The following SEC16A variants were observed in gnomAD, a reference collection of about 807,000 sequenced individuals.
SEC16A encodes the protein SEC16 homolog A, endoplasmic reticulum export factor.
SEC16A carries 110 observed loss-of-function variants against 221.9 expected under a neutral mutation model. The ratio of observed to expected loss-of-function variants is 0.50; its 90% CI spans 0.42 to 0.58. SEC16A has a LOEUF of 0.58. Among genes scored for constraint, SEC16A ranks in the 20% least tolerant of loss-of-function variants. The pLI, the probability that SEC16A is intolerant of heterozygous loss-of-function variation, is 0.00. For synonymous variants in SEC16A, 1,393 were observed against 1,257.7 expected (o/e 1.11, Z -2.28); for missense variants, 3,165 against 3,097.8 (o/e 1.02, Z -0.52).
intron 1 of SEC16A, 27 bp downstream of exon 1, chr9:136,482,910 GC>G (rs899810110): frequency 1.1e-6 from 1 of 907,244 alleles, no homozygotes; most frequent in Non-Finnish European, 1.3e-6. Flanking sequence ...TCCCGCGCTC[GC>G]CCCCTCACCC....
At chr9:136,472,136 G>A (rs190860690) in intron 3 of SEC16A, 25 bp from the exon 4 acceptor site, 1 of 1,612,458 alleles carries the variant, frequency 6.2e-7, no homozygotes, top group Admixed American at 1.7e-5. Flanking sequence ...ATTTGGGCAG[G>A]ATTAGACACC....
In SEC16A at chr9:136,466,107, A is replaced by C. The variant is rs773798141; in HGVS notation, c.4158T>G (p.Ala1386=). The C allele has an allele frequency of 2.8e-5, 45 of 1,605,430 alleles. No individual in the cohort carries two copies. The highest frequency in any genetic ancestry group is 3.7e-5 in the Non-Finnish European group (44 of 1,174,884). ...QSQIYRSHNV[A]AGSYEAPLPP... ...GAAGCGGGGCCTCGTAGGAACCGGC[A>C]GCCACATTGTGGCTTCTGTAAATCT... The change falls in exon 8 of 32, where the codon GCT becomes GCG. Residue 1386 remains alanine, a synonymous_variant. Coordinates refer to ENST00000684901, the MANE Select transcript of SEC16A (RefSeq NM_014866.2). This position sits in a 1 kb window ranked among gnomAD's most constrained non-coding sequence, Gnocchi z 5.5.
chr9:136,482,847 C>T (rs537597460), intron 1 of SEC16A, 91 bp downstream of exon 1: 8,669 of 429,344 alleles, frequency 0.02, 123 homozygotes, highest in Middle Eastern at 0.05. Context: ...CTCCTCTCCT[C>T]CGCGCCCCGA....
intron 1 of SEC16A, among the ~76,000 whole-genome samples, chr9:136,481,999 A>AG (rs1396838850): frequency 2.0e-5 from 3 of 152,238 alleles, no homozygotes; most frequent in Non-Finnish European, 4.4e-5. Flanking sequence ...ACAAAGAAAA[A>AG]GAAAAAAAAA....
At chr9:136,483,802 G>A (rs1177026941), upstream of SEC16A, 3 of 985,296 alleles carry the variant, frequency 3.0e-6, no homozygotes, top group African/African-American at 5.2e-5. Context: ...GGCGGCGGCG[G>A]CCGCGCATGC....
chr9:136,459,750 G>T lies in SEC16A; in HGVS notation c.5191+7C>A. ...ACACCCAATGCCCATCTCCACCCCT[G>T]ACCTACCCAGAGTGTCGCCCATGGT... is the stretch of plus-strand genomic sequence containing the variant. On this transcript the variant is annotated splice_region_variant and intron_variant, in intron 15 of 31. Transcript: ENST00000684901. This position sits in a 1 kb window ranked among gnomAD's most constrained non-coding sequence, Gnocchi z 6.1. The T allele has an allele frequency of 6.3e-7, 1 of 1,599,704 alleles. No individual in the cohort carries two copies. Among genetic ancestry groups the T allele is most frequent in the South Asian group, 1.1e-5 (1 of 88,906 alleles).
intron 8 of SEC16A, among the ~76,000 whole-genome samples, 169 bp from the exon 9 acceptor site, chr9:136,464,731 A>G (rs1232989962): frequency 5.9e-5 from 9 of 152,256 alleles, no homozygotes; most frequent in African/African-American, 1.9e-4. Flanking sequence ...GTAGAACTTC[A>G]GCATACGTCA....
chr9:136,462,071 G>A (rs778368413), intron 12 of SEC16A, among the ~76,000 whole-genome samples: 26 of 152,134 alleles, frequency 1.7e-4, no homozygotes, highest in Non-Finnish European at 2.9e-4. Context: ...TCACGCCACT[G>A]CACTCCAGCC....
At chr9:136,464,694 G>A (rs763577499) in intron 8 of SEC16A, 132 bp from the exon 9 acceptor site, 32 of 791,282 alleles carry the variant, frequency 4.0e-5, no homozygotes, top group Non-Finnish European at 5.4e-5. Context: ...CTCAAAAGTC[G>A]GTAATTGTTT....
chr9:136,482,954 G>A lies in SEC16A; in HGVS notation c.-208C>T, dbSNP rs1842601798. On this transcript the variant is annotated 5_prime_UTR_variant, in exon 1 of 32. Transcript: ENST00000684901. The stretch of plus-strand genomic sequence containing the variant: ...CCCCCTCACCCGCGCGGCTGAGACC[G>A]ATCCCTCAGGAGCCGCGGGCGAAAG... 1 of 984,464 alleles carries A rather than the reference G, an allele frequency of 1.0e-6. No homozygotes were observed. The highest frequency in any genetic ancestry group is 5.2e-4 in the Middle Eastern group (1 of 1,910). The allele number at this position is 984,464 out of a possible 1,614,324, so 61.0% of individuals were successfully genotyped here.
At position 136,463,149 on chromosome 9, in the gene SEC16A, G is replaced by A; in HGVS notation, c.4648-17C>T. 3.7e-6 allele frequency: 6 copies of A among 1,605,718 alleles called. No individual in the cohort carries two copies. The highest frequency in any genetic ancestry group is 1.7e-5 in the Admixed American group (1 of 60,022). ...TACCACGGTCTGTTTGGGTCAACAG[G>A]AACAGGAAGGAGAACAACGGCTCTC... On this transcript the variant is annotated splice_polypyrimidine_tract_variant and intron_variant, in intron 11 of 31. Transcript: ENST00000684901.
intron 22 of SEC16A, 61 bp from the exon 23 acceptor site, chr9:136,451,469 A>AGG: frequency 1.3e-6 from 2 of 1,514,392 alleles, no homozygotes; most frequent in South Asian, 2.7e-5. Context: ...CGAAAGAGAG[A>AGG]GGGGGATGCA....
chr9:136,446,876 T>C lies in SEC16A; in HGVS notation c.6771A>G (p.Pro2257=). 1.2e-6 allele frequency: 2 copies of C among 1,610,296 alleles called. No individual in the cohort carries two copies. Among genetic ancestry groups the C allele is most frequent in the South Asian group, 2.2e-5 (2 of 90,574 alleles). The change falls in exon 28 of 32, where the codon CCA becomes CCG. Residue 2257 remains proline (P), a synonymous_variant. Coordinates refer to ENST00000684901, the MANE Select transcript of SEC16A (RefSeq NM_014866.2). ...GPAAARGLAN[P]EPAPEPKVLS... is the part of the protein sequence containing the mutation. The stretch of plus-strand genomic sequence containing the variant: ...TCACCTTGGGCTCTGGGGCAGGCTC[T>C]GGATTGGCCAGGCCCCTAGCTGCTG...
rs1209010703 is a variant in SEC16A at position 136,476,458 on chromosome 9, A to G, written c.1158T>C (p.Asn386=). ...FQGGETENEE[N]LSSEKAGLSG... is the part of the protein sequence containing the mutation. ...ATAAGCCTGCTTTTTCAGATGAGAG[A>G]TTCTCCTCATTTTCTGTCTCTCCCC... The change falls in exon 3 of 32, where the codon AAT becomes AAC. Residue 386 remains asparagine, a synonymous_variant. Coordinates refer to ENST00000684901, the MANE Select transcript of SEC16A (RefSeq NM_014866.2). The G allele has an allele frequency of 1.9e-6, 3 of 1,613,042 alleles. No individual in the cohort carries two copies. The Admixed American group carries it at 5.0e-5, about 27-fold the overall frequency.
intron 3 of SEC16A, among the ~76,000 whole-genome samples, chr9:136,472,526 C>G (rs1025063036): frequency 1.3e-5 from 2 of 152,226 alleles, no homozygotes; most frequent in Admixed American, 1.3e-4. Flanking sequence ...ATTTGAACAA[C>G]CCCTGCGTCC....
chr9:136,469,289 G>A (rs986205166), intron 4 of SEC16A, among the ~76,000 whole-genome samples: 13 of 152,116 alleles, frequency 8.5e-5, no homozygotes, highest in African/African-American at 3.1e-4. Flanking sequence ...GATTCTAATG[G>A]CCCCACCTCC....
Position 136,461,220 on chromosome 9 carries a change from C to T in SEC16A, c.4948G>A (p.Ala1650Thr). Reference sequence around the variant, plus strand: ...TGTGTCCGGCTGTCCATCTTACTTGCAAGTAGCAGAGCGTGACCCCACAGG... The same window carrying T: ...TGTGTCCGGCTGTCCATCTTACTTGTAAGTAGCAGAGCGTGACCCCACAGG... ...NGLWGHALLLASKMDSRTHAR... is the reference protein window; with the variant it reads ...NGLWGHALLLTSKMDSRTHAR... Residue 1650 changes from alanine (A) to threonine (T), a missense_variant, in exon 13 of 32, where the codon GCA (alanine) becomes ACA (threonine). Ala to Thr is a moderately conservative substitution (Grantham distance 58). Around this residue, in one of 3 missense-constraint regions of SEC16A, gnomAD observed 1,088 missense variants for 1,089.6 expected, o/e 1.00. Coordinates refer to ENST00000684901, the MANE Select transcript of SEC16A (RefSeq NM_014866.2). 6.2e-7 allele frequency: 1 copy of T among 1,609,558 alleles called. No individual in the cohort carries two copies. Among genetic ancestry groups the T allele is most frequent in the Non-Finnish European group, 8.5e-7 (1 of 1,178,038 alleles).
rs532132872 is a variant in SEC16A, at chr9:136,464,834, C to G, written c.4304-272G>C. Among the ~76,000 whole-genome samples the G allele has an allele frequency of 2.8e-4, 43 of 152,362 alleles. 1 individual carries two copies. Among genetic ancestry groups the G allele is most frequent in the African/African-American group, 9.9e-4 (41 of 41,580 alleles). On this transcript the variant is annotated intron_variant, in intron 8 of 31. Coordinates refer to ENST00000684901, the MANE Select transcript of SEC16A (RefSeq NM_014866.2). Reference sequence around the variant, plus strand: ...AACACCCTCATGAGCCGCCCTGAGGCTCCTGCCACGGTGCGTAATCCTCCC... The same window carrying G: ...AACACCCTCATGAGCCGCCCTGAGGGTCCTGCCACGGTGCGTAATCCTCCC...
intron 28 of SEC16A, among the ~76,000 whole-genome samples, chr9:136,446,504 T>C (rs988817349): frequency 6.6e-6 from 1 of 152,132 alleles, no homozygotes; most frequent in African/African-American, 2.4e-5. Context: ...GTAGGTAATT[T>C]CTCTGTAACT....
Sources: gnomAD v4.1 joint callset for allele counts (sites outside exome capture counted in the v4.1 genomes callset) on GRCh38, gnomAD v4.1.1 for gene constraint, gnomAD v4.1.1 regional missense constraint, Gnocchi (gnomAD v3.1) non-coding constraint, MANE v1.5 for transcripts, NCBI Gene and HGNC (gene_info 2026-07-23, HGNC 2026-07-21) for gene names.